Variants in DOCK11 observed in about 807,000 individuals in gnomAD.
DOCK11 encodes the protein dedicator of cytokinesis 11.
A neutral mutation model predicts 169.1 loss-of-function variants in DOCK11; 70 were observed. The observed-to-expected ratio is 0.41, with a 90% CI of 0.34 to 0.51. The LOEUF is 0.51. Among genes scored for constraint, DOCK11 ranks in the 20% least tolerant of loss-of-function variants. The pLI is 0.10. For synonymous variants in DOCK11, 529 were observed against 541.3 expected, an observed-to-expected ratio of 0.98 and a Z score of 0.32; for missense variants, 1,166 against 1,538.8, an observed-to-expected ratio of 0.76 and a Z score of 4.05.
chrX:118,561,700 C>CAA, intron 7 of DOCK11, among the ~76,000 whole-genome samples, 183 bp downstream of exon 7: 1 of 109,609 alleles, frequency 9.1e-6, no homozygotes, highest in African/African-American at 3.3e-5. Context: ...CCCATCTCTA[C>CAA]AAAAAAATAC....
rs1020343878 is a variant in DOCK11 at position 118,571,678 on chromosome X, C to G, written c.1036-645C>G. 3.6e-5 allele frequency among the ~76,000 whole-genome samples: 4 copies of G among 111,876 alleles called. No individual in the cohort carries two copies. In the Admixed American group the frequency reaches 3.8e-4, roughly 11 times the overall value. The stretch of plus-strand genomic sequence containing the variant: ...ATCCTGCACAGCTCAAAAACGAAAC[C>G]AAATTTCGACTGTCCTGGAACATAT... On this transcript the variant is annotated intron_variant, in intron 10 of 52. Coordinates refer to ENST00000276202, the MANE Select transcript of DOCK11 (RefSeq NM_144658.4).
At chrX:118,582,756 C>T (rs898171831) in intron 14 of DOCK11, among the ~76,000 whole-genome samples, 2 of 111,114 alleles carry the variant, frequency 1.8e-5, no homozygotes, top group Non-Finnish European at 3.8e-5. Context: ...GTTAGAATGG[C>T]GGTCATTAAA....
At chrX:118,611,020 T>C (rs1050904257) in intron 28 of DOCK11, among the ~76,000 whole-genome samples, 1 of 111,255 alleles carries the variant, frequency 9.0e-6, no homozygotes, top group Non-Finnish European at 1.9e-5. Flanking sequence ...GCCTGGGCAA[T>C]AGAGTAAGAC....
At position 118,593,268 on chromosome X, in the gene DOCK11, T is replaced by C; in HGVS notation, c.2194T>C (p.Phe732Leu). Residue 732 changes from phenylalanine (F) to leucine (L), a missense_variant, in exon 20 of 53, where the codon TTT becomes CTT. Physicochemically the swap from Phe to Leu is conservative, Grantham distance 22. Transcript: ENST00000276202. ...TCAAAAACATCATTTGCTTTTCACT[T>C]TTTATCATGTAAGTTGTGAAATTAA... is the stretch of plus-strand genomic sequence containing the variant. Reference protein sequence around the residue: ...LHQKHHLLFTFYHVSCEINTK... With the variant: ...LHQKHHLLFTLYHVSCEINTK... 1 of 1,205,833 alleles carries C rather than the reference T, an allele frequency of 8.3e-7. No individual in the cohort carries two copies. Among genetic ancestry groups the C allele is most frequent in the Non-Finnish European group, 1.1e-6 (1 of 892,759 alleles).
chrX:118,638,230 A>G (rs2015441719), intron 37 of DOCK11, 103 bp downstream of exon 37: 1 of 720,698 alleles, frequency 1.4e-6, no homozygotes, highest in Non-Finnish European at 2.1e-6. Context: ...TTGAGTTAAC[A>G]TTGGGATACC....
At chrX:118,595,395 T>A (rs2014129805) in intron 20 of DOCK11, among the ~76,000 whole-genome samples, 1 of 111,725 alleles carries the variant, frequency 9.0e-6, no homozygotes, top group Non-Finnish European at 1.9e-5. Context: ...GGATGGCAGG[T>A]TTGGGACATC....
chrX:118,519,925 G>C (rs908714153), intron 1 of DOCK11, among the ~76,000 whole-genome samples: 5 of 111,886 alleles, frequency 4.5e-5, no homozygotes, highest in Non-Finnish European at 9.4e-5. Flanking sequence ...ACCTGGGAGA[G>C]AAGGATAACT....
intron 30 of DOCK11, among the ~76,000 whole-genome samples, chrX:118,617,335 C>T (rs2014844745): frequency 9.2e-6 from 1 of 109,012 alleles, no homozygotes; most frequent in Admixed American, 9.9e-5. Flanking sequence ...ACTAAAAATA[C>T]AAAAAAATTA....
chrX:118,654,061 A>G (rs1354031171), intron 42 of DOCK11, among the ~76,000 whole-genome samples: 1 of 112,476 alleles, frequency 8.9e-6, no homozygotes, highest in Non-Finnish European at 1.9e-5. Context: ...AGGCATGCTT[A>G]TCAGAATGGA....
In DOCK11 at chrX:118,565,999, C is replaced by T. The variant is rs906192860; in HGVS notation, c.694-6C>T. ...TAACTGAACACATACTTTTTCTCCC[C>T]TCTAGTGCCCCAAAATGCGCCGTCA... On this transcript the variant is annotated splice_polypyrimidine_tract_variant and splice_region_variant and intron_variant, in intron 7 of 52. Transcript: ENST00000276202. The T allele has an allele frequency of 8.3e-6, 10 of 1,207,057 alleles. No individual in the cohort carries two copies. The Middle Eastern group carries it at 1.2e-3, about 139-fold the overall frequency.
intron 1 of DOCK11, among the ~76,000 whole-genome samples, chrX:118,525,520 C>T (rs908882007): frequency 3.6e-5 from 4 of 110,540 alleles, no homozygotes; most frequent in Admixed American, 9.7e-5. Flanking sequence ...CAGGGATGGG[C>T]GGGGGCGGTG....
chrX:118,663,050 C>T (rs916981516), intron 45 of DOCK11, among the ~76,000 whole-genome samples: 1 of 112,104 alleles, frequency 8.9e-6, no homozygotes, highest in Non-Finnish European at 1.9e-5. Context: ...AGAGTCAACA[C>T]ATGTTGGAAA....
At chrX:118,597,667 G>A (rs1394864147) in intron 21 of DOCK11, 115 bp downstream of exon 21, 1 of 858,400 alleles carries the variant, frequency 1.2e-6, no homozygotes, top group Middle Eastern at 3.1e-4. Context: ...GAGGGCTGGT[G>A]CGGGTCCACA....
chrX:118,528,096 G>A (rs188567872), intron 1 of DOCK11, among the ~76,000 whole-genome samples: 6 of 112,653 alleles, frequency 5.3e-5, no homozygotes, highest in African/African-American at 1.9e-4. Context: ...CATTGTTATC[G>A]TAAGAGAGAG....
At chrX:118,646,099 CAG>C (rs1275978567) in intron 40 of DOCK11, among the ~76,000 whole-genome samples, 8 of 90,618 alleles carry the variant, frequency 8.8e-5, no homozygotes, top group Non-Finnish European at 1.6e-4. Context: ...AACAAAAAAA[CAG>C]AGAGACCTGA....
intron 30 of DOCK11, among the ~76,000 whole-genome samples, chrX:118,615,924 T>C (rs2014800607): frequency 8.9e-6 from 1 of 112,199 alleles, no homozygotes; most frequent in African/African-American, 3.2e-5. Context: ...AATAGATTGC[T>C]GCTTAAACAC....
At chrX:118,621,318 T>C (rs1272664361) in intron 31 of DOCK11, among the ~76,000 whole-genome samples, 1 of 112,163 alleles carries the variant, frequency 8.9e-6, no homozygotes. Context: ...TTGTGCAGTT[T>C]CCAGGCAGCC....
At chrX:118,509,516 G>A (rs1046855111) in intron 1 of DOCK11, among the ~76,000 whole-genome samples, 2 of 111,392 alleles carry the variant, frequency 1.8e-5, no homozygotes. Flanking sequence ...CAACTGCCTC[G>A]GCCTCCCAAA....
At position 118,588,053 on chromosome X, in the gene DOCK11, T is replaced by C. The variant is rs1051128591; in HGVS notation, c.1796-84T>C. ...TTTAAATCGCTCTTTGAGAATGCAA[T>C]TCATGTATATTTTTTATACATGCAG... On this transcript the variant is annotated intron_variant, in intron 16 of 52. Coordinates refer to ENST00000276202, the MANE Select transcript of DOCK11 (RefSeq NM_144658.4). 2.2e-5 allele frequency: 18 copies of C among 832,447 alleles called. No individual in the cohort carries two copies. The African/African-American group carries it at 3.8e-4, about 17-fold the overall frequency. The allele number at this position is 832,447 out of a possible 1,213,427, so 68.6% of individuals were successfully genotyped here.
Sources: gnomAD v4.1 joint callset for allele counts (sites outside exome capture counted in the v4.1 genomes callset) on GRCh38, gnomAD v4.1.1 for gene constraint, MANE v1.5 for transcripts, NCBI Gene and HGNC (gene_info 2026-07-23, HGNC 2026-07-21) for gene names.